ASH1L: variants seen among roughly 807,000 people sequenced by gnomAD.
The protein encoded by ASH1L is ASH1 like histone lysine methyltransferase.
Under a neutral mutation model 269.0 loss-of-function variants are expected in ASH1L, and 23 were observed. That is an observed-to-expected ratio of 0.09 (90% CI 0.06 to 0.12). The LOEUF (loss-of-function observed/expected upper bound fraction) is 0.12, where lower values mean the gene tolerates loss of function less well. ASH1L is among the 10% of genes least tolerant of loss of function. The pLI, the probability that ASH1L is intolerant of heterozygous loss-of-function variation, is 1.00. For missense variants in ASH1L, 2,912 were observed against 3,567.8 expected (o/e 0.82, Z 4.68); for synonymous variants, 1,187 against 1,253.5 (o/e 0.95, Z 1.12).
Position 155,562,268 on chromosome 1 carries a change from G to C in ASH1L, c.-215C>G, listed in dbSNP as rs1179238747. ...GGTCCACGGCGGATCCCTCCCGCTT[G>C]TCAGGAGGCGGCCAGCGGGTAAGCT... On this transcript the variant is annotated 5_prime_UTR_variant, in exon 1 of 28. Coordinates refer to ENST00000392403, the MANE Select transcript of ASH1L (RefSeq NM_018489.3). The C allele has an allele frequency of 1.2e-6, 2 of 1,609,592 alleles. No homozygotes were observed. Among genetic ancestry groups the C allele is most frequent in the Non-Finnish European group, 8.5e-7 (1 of 1,176,474 alleles).
At chr1:155,433,504 T>A in intron 5 of ASH1L, 1 of 1,610,526 alleles carries the variant, frequency 6.2e-7, no homozygotes. Context: ...GCAACTCCGA[T>A]GGCACCTCCC....
At chr1:155,416,789 C>T (rs1002314708) in intron 5 of ASH1L, among the ~76,000 whole-genome samples, 4 of 151,392 alleles carry the variant, frequency 2.6e-5, no homozygotes, top group African/African-American at 9.7e-5. Context: ...AATCCGCCCA[C>T]CCAAAGTGCT....
intron 3 of ASH1L, among the ~76,000 whole-genome samples, chr1:155,474,017 T>C (rs1244990970): frequency 1.3e-5 from 2 of 152,052 alleles, no homozygotes; most frequent in Non-Finnish European, 2.9e-5. Context: ...TTTATTTTAG[T>C]AGAGACAGGT....
rs549060368 is a variant in ASH1L at position 155,481,165 on chromosome 1, T to C, written c.1705A>G (p.Arg569Gly). The C allele has an allele frequency of 1.2e-6, 2 of 1,614,102 alleles. No homozygotes were observed. Among genetic ancestry groups the C allele is most frequent in the East Asian group, 2.2e-5 (1 of 44,868 alleles). ...TGTGAAGAAGTTTCAGGGGGACTTC[T>C]GGTTAAAGGATTAACAGATACAGTA... The part of the protein sequence containing the change: ...SPTVSVNPLT[R>G]SPPETSSQLA... Residue 569 changes from arginine to glycine, a missense_variant, in exon 3 of 28, where the codon AGA becomes GGA. Physicochemically the swap from Arg to Gly is moderately radical, Grantham distance 125 (BLOSUM62 -2). Transcript: ENST00000392403.
In ASH1L at chr1:155,481,000, T is replaced by C. The variant is rs765011248; in HGVS notation, c.1870A>G (p.Ile624Val). ...TCTTTATCAATCCCTTTACATTCAA[T>C]ACTTATACTATGACCAACTGACCTA... ...GHRSVGHSISIECKGIDKEVN... is the reference protein window; with the variant it reads ...GHRSVGHSISVECKGIDKEVN... The change falls in exon 3 of 28, where the codon ATT becomes GTT. Residue 624 changes from isoleucine (I) to valine (V), a missense_variant. Ile to Val is a conservative substitution (Grantham distance 29). This residue lies in a region of ASH1L where 715 missense variants were observed against 721.0 expected (regional missense o/e 0.99). Transcript: ENST00000392403. 2.5e-6 allele frequency: 4 copies of C among 1,614,050 alleles called. No individual in the cohort carries two copies. The South Asian group carries it at 3.3e-5, about 13-fold the overall frequency.
rs1390312058 is a variant in ASH1L at position 155,478,047 on chromosome 1, G to A, written c.4823C>T (p.Thr1608Ile). The change falls in exon 3 of 28, where the codon ACA (threonine) becomes ATA (isoleucine). Residue 1608 changes from threonine (T) to isoleucine (I), a missense_variant. Thr to Ile is a moderately conservative substitution (Grantham distance 89). Around this residue, in one of 13 missense-constraint regions of ASH1L, gnomAD observed 789 missense variants for 897.6 expected, o/e 0.88. Coordinates refer to ENST00000392403, the MANE Select transcript of ASH1L (RefSeq NM_018489.3). This position sits in a 1 kb window ranked among gnomAD's most constrained non-coding sequence, Gnocchi z 4.6. ...ASSDEHTNLF[T>I]SAIGSCRVSN... Reference sequence around the variant, plus strand: ...AACTCTGCAGCTGCCTATTGCACTTGTGAAAAGGTTTGTATGTTCATCACT... The same window carrying A: ...AACTCTGCAGCTGCCTATTGCACTTATGAAAAGGTTTGTATGTTCATCACT... 6.2e-7 allele frequency: 1 copy of A among 1,614,088 alleles called. No individual in the cohort carries two copies. The highest frequency in any genetic ancestry group is 8.5e-7 in the Non-Finnish European group (1 of 1,180,050).
In ASH1L at chr1:155,357,642, G is replaced by C; in HGVS notation, c.6903C>G (p.His2301Gln). The change falls in exon 14 of 28, where the codon CAC becomes CAG. Residue 2301 changes from histidine (H) to glutamine (Q), a missense_variant. His to Gln is a conservative substitution (Grantham distance 24, BLOSUM62 0). This residue lies in a region of ASH1L where 309 missense variants were observed against 435.1 expected (regional missense o/e 0.71). Transcript: ENST00000392403. ...SSKNSQPMAT[H>Q]KKSGRSKEKR... ...TCTCTTTTGACCGTCCAGATTTTTT[G>C]TGTGTGGCCATGGGCTGGCTGTTTT... 6 of 1,614,090 alleles carry C rather than the reference G, an allele frequency of 3.7e-6. No homozygotes were observed. The highest frequency in any genetic ancestry group is 5.1e-6 in the Non-Finnish European group (6 of 1,180,032).
At position 155,562,595 on chromosome 1, in the gene ASH1L, C is replaced by T; in HGVS notation, c.-542G>A. ...CCCGACTCCGTCCGCGTAGCGCGCA[C>T]GCCCGCCCGCACGCGTACGAGTGTC... On this transcript the variant is annotated 5_prime_UTR_variant, in exon 1 of 28. It adds an upstream start codon to the 5' untranslated region. Transcript: ENST00000392403. 2 of 1,528,604 alleles carry T rather than the reference C, an allele frequency of 1.3e-6. No individual in the cohort carries two copies. The highest frequency in any genetic ancestry group is 1.8e-6 in the Non-Finnish European group (2 of 1,141,718). The allele number at this position is 1,528,604 out of a possible 1,614,324, so 94.7% of individuals were successfully genotyped here.
rs759878582 is a variant in ASH1L, at chr1:155,378,383, T to C, written c.6230A>G (p.Tyr2077Cys). ...PLYKKIRSNVYVDVKPLSGYE... is the reference protein window; with the variant it reads ...PLYKKIRSNVCVDVKPLSGYE... The stretch of plus-strand genomic sequence containing the variant: ...ACCAGAAAGGGGTTTGACATCAACG[T>C]AGACATCTTGAAAAGAAAGCAAAGA... Residue 2077 changes from tyrosine (Y) to cysteine (C), a missense_variant, in exon 10 of 28, where the codon TAC becomes TGC. Tyr to Cys is a radical substitution (Grantham distance 194, BLOSUM62 -2). Coordinates refer to ENST00000392403, the MANE Select transcript of ASH1L (RefSeq NM_018489.3). 16 of 1,613,952 alleles carry C rather than the reference T, an allele frequency of 9.9e-6. No homozygotes were observed. The highest frequency in any genetic ancestry group is 7.6e-6 in the Non-Finnish European group (9 of 1,179,810).
rs549400489 is a variant in ASH1L at position 155,493,713 on chromosome 1, C to CA, written c.421-11265dup. ...TGAAACCCCATCTCTACTAAAAATA[C>CA]AAAAAAAAAAATTAGCTGGGTGTGG... On this transcript the variant is annotated intron_variant, in intron 2 of 27. Coordinates refer to ENST00000392403, the MANE Select transcript of ASH1L (RefSeq NM_018489.3). Among the ~76,000 whole-genome samples the CA allele has an allele frequency of 5.9e-3, 857 of 144,870 alleles. 2 individuals carry two copies. Among genetic ancestry groups the CA allele is most frequent in the South Asian group, 8.7e-3 (40 of 4,592 alleles).
At position 155,343,046 on chromosome 1, in the gene ASH1L, C is replaced by A; in HGVS notation, c.8293+268G>T. ...TTTTTTTTTGAGGCAGGGTTTCATT[C>A]TGTTGCACAGGTTGGAGTGCAGTGG... is the stretch of plus-strand genomic sequence containing the variant. On this transcript the variant is annotated intron_variant, in intron 24 of 27. Transcript: ENST00000392403. The surrounding 1 kb of genome is among the most constrained non-coding windows in gnomAD (Gnocchi z 6.1). 2.6e-5 allele frequency: 7 copies of A among 268,942 alleles called. No individual in the cohort carries two copies. The highest frequency in any genetic ancestry group is 1.2e-3 in the Middle Eastern group (1 of 868). 16.7% of individuals were successfully genotyped at this position (268,942 alleles called of 1,614,324 possible). A position where few individuals can be genotyped will look rare whatever the true frequency, so the allele number is the denominator to read the frequency against.
At chr1:155,412,485 G>A (rs962431006) in intron 6 of ASH1L, among the ~76,000 whole-genome samples, 1 of 152,150 alleles carries the variant, frequency 6.6e-6, no homozygotes, top group African/African-American at 2.4e-5. Flanking sequence ...CTGAACATGT[G>A]GAGGTTCCTG....
intron 1 of ASH1L, among the ~76,000 whole-genome samples, chr1:155,552,878 A>G (rs925331581): frequency 2.6e-5 from 4 of 152,216 alleles, no homozygotes; most frequent in Non-Finnish European, 5.9e-5. Context: ...AAGAAAATAA[A>G]TAACTAAAAT....
Position 155,562,607 on chromosome 1 carries a change from C to G in ASH1L, c.-554G>C, listed in dbSNP as rs757894996. ...CGCGTAGCGCGCACGCCCGCCCGCA[C>G]GCGTACGAGTGTCTACGGGCTCGTC... On this transcript the variant is annotated 5_prime_UTR_variant, in exon 1 of 28. Coordinates refer to ENST00000392403, the MANE Select transcript of ASH1L (RefSeq NM_018489.3). The G allele has an allele frequency of 2.6e-6, 4 of 1,528,456 alleles. No individual in the cohort carries two copies. The South Asian group carries it at 3.6e-5, about 14-fold the overall frequency. 94.7% of individuals were successfully genotyped at this position (1,528,456 alleles called of 1,614,324 possible).
intron 15 of ASH1L, among the ~76,000 whole-genome samples, chr1:155,355,179 T>C (rs745568066): frequency 6.6e-6 from 1 of 152,216 alleles, no homozygotes; most frequent in Non-Finnish European, 1.5e-5. Context: ...GCCTCCTGAA[T>C]AGCTGGGGTT....
chr1:155,514,171 C>A (rs1043230080), intron 2 of ASH1L, among the ~76,000 whole-genome samples: 2 of 152,128 alleles, frequency 1.3e-5, no homozygotes, highest in Non-Finnish European at 2.9e-5. Context: ...AATAGAGTGT[C>A]AGCTGGAAAA....
rs35340905 is a variant in ASH1L at position 155,538,641 on chromosome 1, C to CTTTT, written c.-99-17027_-99-17024dup. Among the ~76,000 whole-genome samples, 147 of 107,940 alleles carry CTTTT rather than the reference C, an allele frequency of 1.4e-3. 1 individual carries two copies. The highest frequency in any genetic ancestry group is 2.2e-3 in the Non-Finnish European group (123 of 56,074). The allele number at this position is 107,940 out of a possible 152,430, so 70.8% of individuals were successfully genotyped here. On this transcript the variant is annotated intron_variant, in intron 1 of 27. Coordinates refer to ENST00000392403, the MANE Select transcript of ASH1L (RefSeq NM_018489.3). Reference sequence around the variant, plus strand: ...ACAGGTGTGAACCACTGTACCCAGCCTTTTTTTTTTTTTTTTTTTTTTAAT... The same window carrying CTTTT: ...ACAGGTGTGAACCACTGTACCCAGCCTTTTTTTTTTTTTTTTTTTTTTTTTTAAT...
chr1:155,346,506 T>C, intron 20 of ASH1L, 37 bp from the exon 21 acceptor site: 1 of 1,575,514 alleles, frequency 6.3e-7, no homozygotes, highest in Non-Finnish European at 8.7e-7. Flanking sequence ...ACATGGAGGC[T>C]ATGACTTATT....
chr1:155,418,755 A>ATT (rs1660416000), intron 5 of ASH1L, among the ~76,000 whole-genome samples: 1 of 152,166 alleles, frequency 6.6e-6, no homozygotes, highest in African/African-American at 2.4e-5. Flanking sequence ...CTTGTTAAAA[A>ATT]CTACTGATGA....
Sources: gnomAD v4.1 joint callset for allele counts (sites outside exome capture counted in the v4.1 genomes callset) on GRCh38, gnomAD v4.1.1 for gene constraint, gnomAD v4.1.1 regional missense constraint, Gnocchi (gnomAD v3.1) non-coding constraint, MANE v1.5 for transcripts, NCBI Gene and HGNC (gene_info 2026-07-23, HGNC 2026-07-21) for gene names.